The following SLA variants were observed in gnomAD, a reference collection of about 807,000 sequenced individuals.
SLA encodes the protein Src like adaptor.
In SLA, 16 loss-of-function variants were observed where a neutral mutation model predicts 30.3. The ratio of observed to expected loss-of-function variants is 0.53; its 90% confidence interval spans 0.36 to 0.80. SLA has a LOEUF of 0.80. Ranked by LOEUF, SLA falls within the 30% of genes least tolerant of loss-of-function variation. SLA has a pLI of 0.01. For missense variants in SLA, 310 were observed against 345.2 expected (o/e 0.90, Z 0.81); for synonymous variants, 143 against 137.8 (o/e 1.04, Z -0.26).
At chr8:133,080,581 C>T (rs1238071315) in intron 1 of SLA, among the ~76,000 whole-genome samples, 2 of 152,198 alleles carry the variant, frequency 1.3e-5, no homozygotes, top group African/African-American at 2.4e-5. Context: ...CTGCCCCAAA[C>T]TCAGGACCAT....
chr8:133,050,613 C>T (rs1587887950), intron 4 of SLA: 1 of 510,184 alleles, frequency 2.0e-6, no homozygotes, highest in East Asian at 3.3e-5. Flanking sequence ...ATTTGATCTA[C>T]CAGGCAGTGG....
At position 133,097,725 on chromosome 8, in the gene SLA, G is replaced by A. The variant is rs1275847323; in HGVS notation, c.-319+4828C>T. On this transcript the variant is annotated intron_variant, in intron 1 of 8. Coordinates refer to ENST00000338087, the MANE Select transcript of SLA (RefSeq NM_001045556.3). ...AACATTGGCTACCTCTGGAGATGTA[G>A]AGATGTGAGAAAGAATATTATGCAT... Among the ~76,000 whole-genome samples, 4 of 152,352 alleles carry A rather than the reference G, an allele frequency of 2.6e-5. No homozygotes were observed. The South Asian group carries it at 6.2e-4, about 24-fold the overall frequency.
intron 1 of SLA, among the ~76,000 whole-genome samples, chr8:133,082,893 C>T (rs770050901): frequency 4.6e-5 from 7 of 152,134 alleles, no homozygotes; most frequent in Non-Finnish European, 1.0e-4. Context: ...AAAGCAAACT[C>T]GAAACTAGCC....
Position 133,060,084 on chromosome 8 carries a change from G to C in SLA, c.61+16C>G, listed in dbSNP as rs1246660183. The C allele has an allele frequency of 6.3e-7, 1 of 1,578,772 alleles. No homozygotes were observed. Among genetic ancestry groups the C allele is most frequent in the South Asian group, 1.2e-5 (1 of 85,910 alleles). On this transcript the variant is annotated intron_variant, in intron 3 of 8. Coordinates refer to ENST00000338087, the MANE Select transcript of SLA (RefSeq NM_001045556.3). ...TAGCACAGACTCAAGCATCTCACCA[G>C]AGAAGCCAGACTTACCCTCCGGGTT...
intron 1 of SLA, chr8:133,095,314 GA>G: frequency 1.3e-6 from 2 of 1,492,116 alleles, no homozygotes; most frequent in Non-Finnish European, 1.9e-6. Flanking sequence ...TACCACACAT[GA>G]GGCTGATGAC....
Position 133,048,016 on chromosome 8 carries a change from G to A in SLA, c.249-83C>T, listed in dbSNP as rs1247874795. 3.9e-6 allele frequency: 3 copies of A among 759,980 alleles called. No individual in the cohort carries two copies. The African/African-American group carries it at 5.2e-5, about 13-fold the overall frequency. The allele number at this position is 759,980 out of a possible 1,614,324, so 47.1% of individuals were successfully genotyped here. Reference sequence around the variant, plus strand: ...AGGAATGCGCCACCCACCGTACTAAGCACCTGAAACCTAATCCTCACCTCA... The same window carrying A: ...AGGAATGCGCCACCCACCGTACTAAACACCTGAAACCTAATCCTCACCTCA... On this transcript the variant is annotated intron_variant, in intron 5 of 8. Coordinates refer to ENST00000338087, the MANE Select transcript of SLA (RefSeq NM_001045556.3).
chr8:133,098,379 A>G (rs1272712805), intron 1 of SLA, among the ~76,000 whole-genome samples: 3 of 152,246 alleles, frequency 2.0e-5, no homozygotes, highest in African/African-American at 7.2e-5. Context: ...TGGAAGTTCT[A>G]GTCTTAGTAT....
intron 1 of SLA, among the ~76,000 whole-genome samples, chr8:133,092,331 A>G (rs896881172): frequency 6.6e-6 from 1 of 152,212 alleles, no homozygotes; most frequent in African/African-American, 2.4e-5. Flanking sequence ...GTGGTCAGCA[A>G]TTGTGGTTTT....
intron 1 of SLA, among the ~76,000 whole-genome samples, chr8:133,096,737 T>C (rs16904829): frequency 0.034 from 5,197 of 152,252 alleles, 292 homozygotes; most frequent in African/African-American, 0.12. Flanking sequence ...GGCAGGGAGA[T>C]GAAGGGACTC....
chr8:133,083,914 C>G (rs1183006114), intron 1 of SLA, among the ~76,000 whole-genome samples: 3 of 152,302 alleles, frequency 2.0e-5, no homozygotes, highest in Admixed American at 1.3e-4. Flanking sequence ...TGGCTCCCCT[C>G]TCTCTGCATG....
chr8:133,058,501 C>A (rs1841865985), intron 3 of SLA, among the ~76,000 whole-genome samples: 1 of 152,238 alleles, frequency 6.6e-6, no homozygotes, highest in Non-Finnish European at 1.5e-5. Context: ...CTCAAGCATG[C>A]TGCCCCCTCT....
rs1010567514 is a variant in SLA, at chr8:133,037,088, G to A, written c.*1436C>T. ...CTGCACATACACATACCAGTAGCACGATGAGCTCAGATGGACGGAATGCTT... is the reference window on the plus strand; with the variant it reads ...CTGCACATACACATACCAGTAGCACAATGAGCTCAGATGGACGGAATGCTT... On this transcript the variant is annotated 3_prime_UTR_variant, in exon 9 of 9. Transcript: ENST00000338087. 3.9e-5 allele frequency: 6 copies of A among 152,202 alleles called. No homozygotes were observed. Among genetic ancestry groups the A allele is most frequent in the Non-Finnish European group, 7.3e-5 (5 of 68,042 alleles). The allele number at this position is 152,202 out of a possible 1,614,324, so 9.4% of individuals were successfully genotyped here.
At chr8:133,095,220 A>G in intron 1 of SLA, 1 of 1,614,248 alleles carries the variant, frequency 6.2e-7, no homozygotes, top group Non-Finnish European at 8.5e-7. Flanking sequence ...TGAGCACTTA[A>G]GTGCAAGTTG....
At chr8:133,102,279 G>A (rs560304266) in intron 1 of SLA, 10 of 384,832 alleles carry the variant, frequency 2.6e-5, no homozygotes, top group African/African-American at 1.2e-4. Context: ...TCATGCCAAC[G>A]CTGCATAAGT....
intron 1 of SLA, among the ~76,000 whole-genome samples, chr8:133,078,646 G>C (rs2702973): frequency 7.9e-5 from 12 of 152,072 alleles, no homozygotes; most frequent in African/African-American, 2.9e-4. Context: ...TAACTGTACT[G>C]TGTGCCAGGC....
chr8:133,102,436 G>A, intron 1 of SLA, 117 bp downstream of exon 1: 1 of 888,366 alleles, frequency 1.1e-6, no homozygotes, highest in Admixed American at 2.3e-5. Flanking sequence ...TCAGACCAAA[G>A]ACGGAGGGTG....
rs773601393 is a variant in SLA at position 133,095,205 on chromosome 8, C to G, written c.-319+7348G>C. The G allele has an allele frequency of 5.6e-6, 9 of 1,614,072 alleles. No individual in the cohort carries two copies. Among genetic ancestry groups the G allele is most frequent in the Non-Finnish European group, 7.6e-6 (9 of 1,180,022 alleles). ...CCAATGTCCTCAATGATGCCCAGAC[C>G]AAGGTGAGCACTTAAGTGCAAGTTG... is the stretch of plus-strand genomic sequence containing the variant. On this transcript the variant is annotated intron_variant, in intron 1 of 8. Transcript: ENST00000338087.
At chr8:133,091,718 G>A (rs546980297) in intron 1 of SLA, among the ~76,000 whole-genome samples, 1 of 152,104 alleles carries the variant, frequency 6.6e-6, no homozygotes, top group African/African-American at 2.4e-5. Flanking sequence ...GCACTTATGT[G>A]AGTGTGTGTC....
At chr8:133,079,671 T>A (rs1845452000) in intron 1 of SLA, among the ~76,000 whole-genome samples, 2 of 152,324 alleles carry the variant, frequency 1.3e-5, no homozygotes, top group Non-Finnish European at 1.5e-5. Flanking sequence ...ATTCCTACTT[T>A]ATAGCTTGAT....
Sources: allele counts gnomAD v4.1 joint callset (sites outside exome capture counted in the v4.1 genomes callset), GRCh38; gene constraint gnomAD v4.1.1; transcripts MANE v1.5; gene names NCBI Gene and HGNC (gene_info 2026-07-23, HGNC 2026-07-21).